Variants in PACS1 observed in about 807,000 individuals in gnomAD.
The protein encoded by PACS1 is PACS-1.
Under a neutral mutation model 115.0 loss-of-function variants are expected in PACS1, and 24 were observed. The observed-to-expected ratio is 0.21, with a 90% CI of 0.15 to 0.29. PACS1 has a LOEUF of 0.29. Ranked by LOEUF, PACS1 falls within the 10% of genes least tolerant of loss-of-function variation. The pLI is 1.00. For synonymous variants in PACS1, 453 were observed against 504.5 expected, an observed-to-expected ratio of 0.90 and a Z score of 1.37; for missense variants, 838 against 1,251.2, an observed-to-expected ratio of 0.67 and a Z score of 4.98.
chr11:66,103,150 A>T (rs1309719738), intron 1 of PACS1, among the ~76,000 whole-genome samples: 1 of 152,060 alleles, frequency 6.6e-6, no homozygotes, highest in Non-Finnish European at 1.5e-5. Context: ...GTTTTATATA[A>T]ATGGCACAGT....
chr11:66,231,867 A>G (rs1486121547), intron 13 of PACS1: 2 of 299,454 alleles, frequency 6.7e-6, no homozygotes, highest in South Asian at 4.5e-5. Context: ...CCCTCCTGCC[A>G]CCCACACCGT....
intron 9 of PACS1, 121 bp downstream of exon 9, chr11:66,220,912 C>A: frequency 8.6e-7 from 1 of 1,161,586 alleles, no homozygotes; most frequent in Non-Finnish European, 1.2e-6. Flanking sequence ...CCTTTCTGAA[C>A]CTCTGGCTGT....
At chr11:66,072,604 C>T (rs891481320) in intron 1 of PACS1, among the ~76,000 whole-genome samples, 3 of 152,100 alleles carry the variant, frequency 2.0e-5, no homozygotes, top group Admixed American at 1.3e-4. Flanking sequence ...CATAGCACAA[C>T]ACCAAGCTCA....
chr11:66,230,743 G>T, intron 12 of PACS1, 62 bp from the exon 13 acceptor site: 1 of 1,612,950 alleles, frequency 6.2e-7, no homozygotes, highest in East Asian at 2.2e-5. Flanking sequence ...GGAAAGCGGG[G>T]CTGGCAGCAG....
Position 66,235,228 on chromosome 11 carries a change from C to A in PACS1, c.2105-73C>A. On this transcript the variant is annotated intron_variant, in intron 17 of 23. Coordinates refer to ENST00000320580, the MANE Select transcript of PACS1 (RefSeq NM_018026.4). The surrounding 1 kb of genome is among the most constrained non-coding windows in gnomAD (Gnocchi z 5.6). ...GTCTGACGGGTCTCAGGAAGGGATC[C>A]CTCTCCGAGAGGGTCTGCAGGTTTG... 9.3e-7 allele frequency: 1 copy of A among 1,071,956 alleles called. No individual in the cohort carries two copies. Among genetic ancestry groups the A allele is most frequent in the East Asian group, 2.4e-5 (1 of 41,756 alleles). 66.4% of individuals were successfully genotyped at this position (1,071,956 alleles called of 1,614,324 possible).
At chr11:66,192,635 G>A (rs1344814963) in intron 1 of PACS1, among the ~76,000 whole-genome samples, 3 of 152,224 alleles carry the variant, frequency 2.0e-5, no homozygotes, top group Non-Finnish European at 2.9e-5. Flanking sequence ...ACTCTGGTAA[G>A]CAACATCCCT....
At chr11:66,230,697 C>G (rs1855573184) in intron 12 of PACS1, 34 bp downstream of exon 12, 2 of 1,610,790 alleles carry the variant, frequency 1.2e-6, no homozygotes, top group Non-Finnish European at 1.7e-6. Flanking sequence ...GGGGGTACAG[C>G]CTGCAGCTGT....
chr11:66,161,197 C>T (rs1320366971), intron 1 of PACS1, among the ~76,000 whole-genome samples: 1 of 152,118 alleles, frequency 6.6e-6, no homozygotes, highest in Non-Finnish European at 1.5e-5. Flanking sequence ...ATATATGGCA[C>T]TCATGAGTGG....
chr11:66,117,488 G>A (rs1341525148), intron 1 of PACS1, among the ~76,000 whole-genome samples: 8 of 148,328 alleles, frequency 5.4e-5, no homozygotes, highest in Non-Finnish European at 1.0e-4. Flanking sequence ...AGAAAAGAAA[G>A]AAAAAGAAAA....
chr11:66,120,370 T>A lies in PACS1; in HGVS notation c.356+49528T>A, dbSNP rs536376725. 2.0e-5 allele frequency among the ~76,000 whole-genome samples: 3 copies of A among 152,312 alleles called. No individual in the cohort carries two copies. In the South Asian group the frequency reaches 6.2e-4, roughly 32 times the overall value. Reference sequence around the variant, plus strand: ...TCTTGGCCTCCCAAAGTGCTAGGGTTACAGGCGTGAGCCACTGGACCCAGC... The same window carrying A: ...TCTTGGCCTCCCAAAGTGCTAGGGTAACAGGCGTGAGCCACTGGACCCAGC... On this transcript the variant is annotated intron_variant, in intron 1 of 23. Coordinates refer to ENST00000320580, the MANE Select transcript of PACS1 (RefSeq NM_018026.4).
At chr11:66,074,099 T>C (rs758239918) in intron 1 of PACS1, among the ~76,000 whole-genome samples, 3 of 151,810 alleles carry the variant, frequency 2.0e-5, no homozygotes, top group Non-Finnish European at 4.4e-5. Flanking sequence ...ATGATTAATA[T>C]ATGTCCATGA....
chr11:66,184,358 A>G (rs114094054), intron 1 of PACS1, among the ~76,000 whole-genome samples: 227 of 151,384 alleles, frequency 1.5e-3, no homozygotes, highest in African/African-American at 5.4e-3. Flanking sequence ...GGGGAATGGA[A>G]TATGACCATT....
At chr11:66,102,410 C>T (rs144567223) in intron 1 of PACS1, among the ~76,000 whole-genome samples, 2,720 of 151,958 alleles carry the variant, frequency 0.018, 27 homozygotes, top group Middle Eastern at 0.044. Flanking sequence ...CTGCAACCTC[C>T]GCCTCCCAGG....
chr11:66,099,551 T>TG (rs939542563), intron 1 of PACS1, among the ~76,000 whole-genome samples: 2 of 151,252 alleles, frequency 1.3e-5, no homozygotes, highest in Non-Finnish European at 2.9e-5. Context: ...TTTTCTTTTT[T>TG]GGGGGGGTTT....
intron 1 of PACS1, among the ~76,000 whole-genome samples, chr11:66,170,159 A>G (rs768627110): frequency 3.3e-5 from 5 of 150,702 alleles, no homozygotes; most frequent in Non-Finnish European, 7.4e-5. Context: ...AATCTGGAGT[A>G]TGCTCCTTGA....
intron 1 of PACS1, among the ~76,000 whole-genome samples, chr11:66,101,946 C>A (rs754731632): frequency 3.3e-5 from 5 of 152,166 alleles, no homozygotes; most frequent in South Asian, 2.1e-4. Context: ...AAGTTCTGAT[C>A]TTTAAAAAGC....
intron 10 of PACS1, among the ~76,000 whole-genome samples, chr11:66,222,960 A>G (rs1855385942): frequency 6.8e-6 from 1 of 147,606 alleles, no homozygotes; most frequent in Non-Finnish European, 1.5e-5. Context: ...CCTCCCTGGG[A>G]GAAACCCCAG....
At chr11:66,239,765 G>A (rs1182429292) in intron 21 of PACS1, among the ~76,000 whole-genome samples, 1 of 152,234 alleles carries the variant, frequency 6.6e-6, no homozygotes, top group African/African-American at 2.4e-5. Context: ...GAGTGGTTCT[G>A]TCTTGTCTCT....
intron 10 of PACS1, among the ~76,000 whole-genome samples, chr11:66,224,730 G>A (rs1489887817): frequency 3.3e-5 from 5 of 152,116 alleles, no homozygotes; most frequent in African/African-American, 7.2e-5. Context: ...TATGAAAGGC[G>A]CTTTGGGAAC....
Sources: allele counts gnomAD v4.1 joint callset (sites outside exome capture counted in the v4.1 genomes callset), GRCh38; gene constraint gnomAD v4.1.1; non-coding constraint Gnocchi (gnomAD v3.1); transcripts MANE v1.5; gene names NCBI Gene and HGNC (gene_info 2026-07-23, HGNC 2026-07-21).